CDK20: variants seen among roughly 807,000 people sequenced by gnomAD.
The protein encoded by CDK20 is cyclin dependent kinase 20.
A neutral mutation model predicts 38.6 loss-of-function variants in CDK20; 40 were observed. The ratio of observed to expected loss-of-function variants is 1.04; its 90% confidence interval spans 0.81 to 1.35. The LOEUF (loss-of-function observed/expected upper bound fraction) is 1.35, where lower values mean the gene tolerates loss of function less well. Among genes scored for constraint, CDK20 ranks in the 40% most tolerant of loss-of-function variants. The pLI, the probability that CDK20 is intolerant of heterozygous loss-of-function variation, is 0.00. For missense variants in CDK20, 512 were observed against 452.6 expected, an observed-to-expected ratio of 1.13 and a Z score of -1.19; for synonymous variants, 209 against 185.7, an observed-to-expected ratio of 1.13 and a Z score of -1.02.
Position 87,967,233 on chromosome 9 carries a change from C to T in CDK20, c.*229G>A. 1.4e-6 allele frequency: 1 copy of T among 692,934 alleles called. No individual in the cohort carries two copies. Among genetic ancestry groups the T allele is most frequent in the Non-Finnish European group, 2.6e-6 (1 of 377,612 alleles). 42.9% of individuals were successfully genotyped at this position (692,934 alleles called of 1,614,324 possible). A position where few individuals can be genotyped will look rare whatever the true frequency, so the allele number is the denominator to read the frequency against. On this transcript the variant is annotated 3_prime_UTR_variant, in exon 8 of 8. Coordinates refer to ENST00000325303, the MANE Select transcript of CDK20 (RefSeq NM_001039803.3). ...AGTAGCACACAGAAGGTAAGGCTCA[C>T]CGAGCACAGGCCATGAATCTCCTCT...
Position 87,972,880 on chromosome 9 carries a change from G to A in CDK20, c.189+1042C>T, listed in dbSNP as rs998398873. The stretch of plus-strand genomic sequence containing the variant: ...TCAAAATGGCCTGATTGCTGTTTTC[G>A]GATTTTTCAGGTAGTACACAACCAT... On this transcript the variant is annotated intron_variant, in intron 2 of 7. Transcript: ENST00000325303. Among the ~76,000 whole-genome samples the A allele has an allele frequency of 3.9e-5, 6 of 152,046 alleles. No individual in the cohort carries two copies. The East Asian group carries it at 5.8e-4, about 15-fold the overall frequency.
chr9:87,970,030 C>T (rs1829741327), intron 5 of CDK20, 111 bp from the exon 6 acceptor site: 2 of 1,309,554 alleles, frequency 1.5e-6, no homozygotes, highest in Admixed American at 2.6e-5. Context: ...CAAGCCAGCC[C>T]TGGAGCCTCA....
In CDK20 at chr9:87,969,876, G is replaced by A. The variant is rs1210421623; in HGVS notation, c.607C>T (p.Leu203Phe). Residue 203 changes from leucine (L) to phenylalanine (F), a missense_variant, in exon 6 of 8, where the codon CTT becomes TTT. Transcript: ENST00000325303. ...IMGELLNGSP[L>F]FPGKNDIEQL... ...TCAATATCGTTCTTGCCCGGGAAAA[G>A]GGGGGACCCATTCAACAGCTCCCCC... 1.2e-6 allele frequency: 2 copies of A among 1,602,794 alleles called. No individual in the cohort carries two copies. The highest frequency in any genetic ancestry group is 2.2e-5 in the East Asian group (1 of 44,714).
chr9:87,971,382 CCT>C, intron 2 of CDK20, 47 bp from the exon 3 acceptor site: 1 of 1,546,146 alleles, frequency 6.5e-7, no homozygotes, highest in Non-Finnish European at 8.8e-7. Context: ...GTCACCAGAC[CCT>C]CTCTGTGACC....
intron 6 of CDK20, 94 bp from the exon 7 acceptor site, chr9:87,969,443 AC>A: frequency 7.4e-7 from 1 of 1,346,900 alleles, no homozygotes; most frequent in Non-Finnish European, 1.0e-6. Context: ...ACACACACTC[AC>A]ATGGGGGGTG....
At chr9:87,970,263 C>T (rs1477554541) in intron 5 of CDK20, 1 of 469,132 alleles carries the variant, frequency 2.1e-6, no homozygotes, top group Non-Finnish European at 3.7e-6. Context: ...CTCTGACCAG[C>T]TCAGAGATGC....
chr9:87,969,538 A>T, intron 6 of CDK20, 189 bp from the exon 7 acceptor site: 1 of 773,622 alleles, frequency 1.3e-6, no homozygotes, highest in Non-Finnish European at 2.0e-6. Flanking sequence ...TTGCCCTCTC[A>T]GATGACGACT....
At chr9:87,968,189 A>AG (rs964331130) in intron 7 of CDK20, 7 of 153,164 alleles carry the variant, frequency 4.6e-5, no homozygotes, top group African/African-American at 1.4e-4. Flanking sequence ...GGTCACAAAA[A>AG]GGACCCTGGC....
rs938184258 is a variant in CDK20 at position 87,971,284 on chromosome 9, A to G, written c.241T>C (p.Phe81Leu). The stretch of plus-strand genomic sequence containing the variant: ...GCCAGATCCGACAGCATGAACTCAA[A>G]GGCCAGCACAAAGCCTCCACCGTGT... ...FPHGGGFVLAFEFMLSDLAEV... is the reference protein window; with the variant it reads ...FPHGGGFVLALEFMLSDLAEV... Residue 81 changes from phenylalanine to leucine, a missense_variant, in exon 3 of 8, where the codon TTT becomes CTT. By Grantham distance (22) the Phe-to-Leu change is conservative. Coordinates refer to ENST00000325303, the MANE Select transcript of CDK20 (RefSeq NM_001039803.3). 2 of 1,613,896 alleles carry G rather than the reference A, an allele frequency of 1.2e-6. No individual in the cohort carries two copies. The highest frequency in any genetic ancestry group is 2.7e-5 in the African/African-American group (2 of 74,918).
Position 87,967,001 on chromosome 9 carries a change from A to G in CDK20, c.*461T>C, listed in dbSNP as rs760718289. 6.1e-6 allele frequency: 3 copies of G among 487,942 alleles called. No individual in the cohort carries two copies. The highest frequency in any genetic ancestry group is 1.2e-5 in the Non-Finnish European group (3 of 243,712). The allele number at this position is 487,942 out of a possible 1,614,324, so 30.2% of individuals were successfully genotyped here. A position where few individuals can be genotyped will look rare whatever the true frequency, so the allele number is the denominator to read the frequency against. ...GAGGTTTTTAGAATCTATATCTCAC[A>G]TACTGAACTAGTGTTTAATGGCTCT... is the stretch of plus-strand genomic sequence containing the variant. On this transcript the variant is annotated 3_prime_UTR_variant, in exon 8 of 8. Transcript: ENST00000325303.
Position 87,969,320 on chromosome 9 carries a change from C to A in CDK20, c.717G>T (p.Lys239Asn). The A allele has an allele frequency of 6.2e-7, 1 of 1,614,022 alleles. No individual in the cohort carries two copies. Among genetic ancestry groups the A allele is most frequent in the Non-Finnish European group, 8.5e-7 (1 of 1,179,978 alleles). Reference sequence around the variant, plus strand: ...TGGGCACCTGCTCCTTAAAGGAGATCTTGTTGTAGTCCGGCAGCTCAGTGA... The same window carrying A: ...TGGGCACCTGCTCCTTAAAGGAGATATTGTTGTAGTCCGGCAGCTCAGTGA... ...PELTELPDYNKISFKEQVPMP... is the reference protein window; with the variant it reads ...PELTELPDYNNISFKEQVPMP... The change falls in exon 7 of 8, where the codon AAG becomes AAT. Residue 239 changes from lysine to asparagine, a missense_variant. By Grantham distance (94) the Lys-to-Asn change is moderately conservative. Coordinates refer to ENST00000325303, the MANE Select transcript of CDK20 (RefSeq NM_001039803.3).
chr9:87,973,631 C>T (rs1830015573), intron 2 of CDK20, among the ~76,000 whole-genome samples: 1 of 152,074 alleles, frequency 6.6e-6, no homozygotes, highest in African/African-American at 2.4e-5. Flanking sequence ...CATTATAAAT[C>T]ACTACATGTT....
rs1829772130 is a variant in CDK20 at position 87,970,549 on chromosome 9, C to G, written c.563+19G>C. The stretch of plus-strand genomic sequence containing the variant: ...ATCCATGAGCCATGTTACCCTTTGA[C>G]CACCCACAGGGGTCTCACCACAGAT... On this transcript the variant is annotated intron_variant, in intron 5 of 7. Coordinates refer to ENST00000325303, the MANE Select transcript of CDK20 (RefSeq NM_001039803.3). 6.2e-7 allele frequency: 1 copy of G among 1,609,118 alleles called. No individual in the cohort carries two copies. The highest frequency in any genetic ancestry group is 8.5e-7 in the Non-Finnish European group (1 of 1,176,738).
In CDK20 at chr9:87,966,745, T is replaced by G; in HGVS notation, c.*717A>C. 1 of 304,132 alleles carries G rather than the reference T, an allele frequency of 3.3e-6. No individual in the cohort carries two copies. The allele number at this position is 304,132 out of a possible 1,614,324, so 18.8% of individuals were successfully genotyped here. The stretch of plus-strand genomic sequence containing the variant: ...GTAAACCAGCCTCATGTGCAGAGGG[T>G]CTCCTGCTGGATCCCCAACTGGAGC... On this transcript the variant is annotated 3_prime_UTR_variant, in exon 8 of 8. Transcript: ENST00000325303.
Position 87,967,342 on chromosome 9 carries a change from T to C in CDK20, c.*120A>G, listed in dbSNP as rs559802207. 5.2e-6 allele frequency: 5 copies of C among 956,820 alleles called. No homozygotes were observed. In the African/African-American group the frequency reaches 8.1e-5, roughly 16 times the overall value. 59.3% of individuals were successfully genotyped at this position (956,820 alleles called of 1,614,324 possible). A position where few individuals can be genotyped will look rare whatever the true frequency, so the allele number is the denominator to read the frequency against. Reference sequence around the variant, plus strand: ...CCCTCGCAAGGGCTAAGGGGCAGGGTGTGGTGTGGGCCCACTGTGGCCATG... The same window carrying C: ...CCCTCGCAAGGGCTAAGGGGCAGGGCGTGGTGTGGGCCCACTGTGGCCATG... On this transcript the variant is annotated 3_prime_UTR_variant, in exon 8 of 8. Coordinates refer to ENST00000325303, the MANE Select transcript of CDK20 (RefSeq NM_001039803.3).
Position 87,971,151 on chromosome 9 carries a change from T to G in CDK20, c.374A>C (p.His125Pro). The G allele has an allele frequency of 6.2e-7, 1 of 1,613,586 alleles. No homozygotes were observed. Among genetic ancestry groups the G allele is most frequent in the African/African-American group, 1.3e-5 (1 of 75,036 alleles). The change falls in exon 3 of 8, where the codon CAT becomes CCT. Residue 125 changes from histidine to proline, a missense_variant. Physicochemically the swap from His to Pro is moderately conservative, Grantham distance 77. Transcript: ENST00000325303. ...VAFCHANNIV[H>P]RDLKPANLLI... ...CCGGCCTATGCTGAGACTGACCCGA[T>G]GTACAATGTTGTTGGCATGGCAGAA...
chr9:87,967,806 C>A (rs1829535666), intron 7 of CDK20, 147 bp from the exon 8 acceptor site: 2 of 664,480 alleles, frequency 3.0e-6, no homozygotes, highest in Middle Eastern at 4.2e-4. Context: ...AGCACTATTC[C>A]AGAAGCTGGG....
chr9:87,966,992 A>C lies in CDK20; in HGVS notation c.*470T>G, dbSNP rs1256298063. ...GAGCCACCTGAGGTTTTTAGAATCTATATCTCACATACTGAACTAGTGTTT... is the reference window on the plus strand; with the variant it reads ...GAGCCACCTGAGGTTTTTAGAATCTCTATCTCACATACTGAACTAGTGTTT... On this transcript the variant is annotated 3_prime_UTR_variant, in exon 8 of 8. Coordinates refer to ENST00000325303, the MANE Select transcript of CDK20 (RefSeq NM_001039803.3). 2.1e-6 allele frequency: 1 copy of C among 473,080 alleles called. No individual in the cohort carries two copies. 29.3% of individuals were successfully genotyped at this position (473,080 alleles called of 1,614,324 possible). A position where few individuals can be genotyped will look rare whatever the true frequency, so the allele number is the denominator to read the frequency against.
In CDK20 at chr9:87,967,326, G is replaced by C. The variant is rs1429426929; in HGVS notation, c.*136C>G. 2 of 867,136 alleles carry C rather than the reference G, an allele frequency of 2.3e-6. No individual in the cohort carries two copies. Among genetic ancestry groups the C allele is most frequent in the Non-Finnish European group, 1.9e-6 (1 of 526,364 alleles). 53.7% of individuals were successfully genotyped at this position (867,136 alleles called of 1,614,324 possible). On this transcript the variant is annotated 3_prime_UTR_variant, in exon 8 of 8. Coordinates refer to ENST00000325303, the MANE Select transcript of CDK20 (RefSeq NM_001039803.3). ...TCTGCCTCGAGACCAACCCTCGCAA[G>C]GGCTAAGGGGCAGGGTGTGGTGTGG...
Sources: gnomAD v4.1 joint callset for allele counts (sites outside exome capture counted in the v4.1 genomes callset) on GRCh38, gnomAD v4.1.1 for gene constraint, MANE v1.5 for transcripts, NCBI Gene and HGNC (gene_info 2026-07-23, HGNC 2026-07-21) for gene names.